HIVEP3: variants seen among roughly 807,000 people sequenced by gnomAD.
The protein encoded by HIVEP3 is HIVEP zinc finger 3, also known as transcription factor HIVEP3.
A neutral mutation model predicts 152.8 loss-of-function variants in HIVEP3; 49 were observed. The ratio of observed to expected loss-of-function variants is 0.32; its 90% confidence interval spans 0.26 to 0.41. HIVEP3 has a LOEUF of 0.41. HIVEP3 is among the 10% of genes least tolerant of loss of function. The pLI, the probability that HIVEP3 is intolerant of heterozygous loss-of-function variation, is 1.00. For missense variants in HIVEP3, 2,790 were observed against 3,103.3 expected, an observed-to-expected ratio of 0.90 and a Z score of 2.40; for synonymous variants, 1,269 against 1,289.0, an observed-to-expected ratio of 0.98 and a Z score of 0.33.
At chr1:41,857,548 G>A (rs1283345318) in intron 1 of HIVEP3, among the ~76,000 whole-genome samples, 2 of 152,056 alleles carry the variant, frequency 1.3e-5, no homozygotes, top group Middle Eastern at 3.2e-3. Context: ...AAGGATGTAC[G>A]TTTAGGCCCT....
chr1:41,531,688 A>G (rs111162024), intron 5 of HIVEP3, among the ~76,000 whole-genome samples: 1 of 84,488 alleles, frequency 1.2e-5, no homozygotes, highest in Non-Finnish European at 2.3e-5. Context: ...CATGAGAGAT[A>G]GAGGACAGGG....
chr1:41,959,345 G>T (rs1645157008), intron 1 of HIVEP3, among the ~76,000 whole-genome samples: 1 of 152,124 alleles, frequency 6.6e-6, no homozygotes, highest in East Asian at 1.9e-4. Flanking sequence ...TTGCCTGCAG[G>T]TCTCAGCCAC....
chr1:41,669,695 T>G (rs1645845921), intron 2 of HIVEP3, among the ~76,000 whole-genome samples: 1 of 152,182 alleles, frequency 6.6e-6, no homozygotes, highest in African/African-American at 2.4e-5. Context: ...AGAATGGAAC[T>G]TATACCATTG....
chr1:41,716,917 G>T (rs6600387), intron 1 of HIVEP3, among the ~76,000 whole-genome samples: 28,039 of 152,232 alleles, frequency 0.18, 7,541 homozygotes, highest in African/African-American at 0.59. Context: ...GGCTGTCTGA[G>T]TGCCAGCAAC....
At chr1:41,889,224 A>C (rs1418606724) in intron 1 of HIVEP3, among the ~76,000 whole-genome samples, 1 of 151,864 alleles carries the variant, frequency 6.6e-6, no homozygotes, top group African/African-American at 2.4e-5. Flanking sequence ...CACACACCCC[A>C]CACCTCACAC....
Position 41,636,356 on chromosome 1 carries a change from T to C in HIVEP3, c.-720-7409A>G, listed in dbSNP as rs536253876. Among the ~76,000 whole-genome samples, 103 of 152,352 alleles carry C rather than the reference T, an allele frequency of 6.8e-4. 1 individual carries two copies. The highest frequency in any genetic ancestry group is 2.5e-4 in the Non-Finnish European group (17 of 68,032). ...TAAACATCCTATAAAAGCAAGTTCA[T>C]GAAAATACCAGAACTATTAAAATAT... On this transcript the variant is annotated intron_variant, in intron 2 of 8. Coordinates refer to ENST00000372583, the MANE Select transcript of HIVEP3 (RefSeq NM_024503.5).
chr1:41,843,585 G>GAA (rs113967177), intron 1 of HIVEP3, among the ~76,000 whole-genome samples: 1 of 129,798 alleles, frequency 7.7e-6, no homozygotes. Flanking sequence ...GGTAGTTTAA[G>GAA]AAAAAAAAAA....
intron 1 of HIVEP3, among the ~76,000 whole-genome samples, chr1:41,701,810 T>C (rs1198206790): frequency 1.3e-5 from 2 of 152,214 alleles, no homozygotes; most frequent in Non-Finnish European, 2.9e-5. Context: ...ATTTGAGACA[T>C]ATTATTTATG....
At chr1:41,770,075 T>C (rs975067163) in intron 1 of HIVEP3, among the ~76,000 whole-genome samples, 1 of 152,078 alleles carries the variant, frequency 6.6e-6, no homozygotes, top group African/African-American at 2.4e-5. Flanking sequence ...TTCACACCAT[T>C]CTCCTGCCTC....
chr1:41,608,963 A>G (rs1488173368), intron 3 of HIVEP3, among the ~76,000 whole-genome samples: 1 of 151,384 alleles, frequency 6.6e-6, no homozygotes, highest in Non-Finnish European at 1.5e-5. Flanking sequence ...GCATGCCTGT[A>G]ATCCCAGTTA....
chr1:41,810,508 A>G (rs1650891250), intron 1 of HIVEP3, among the ~76,000 whole-genome samples: 1 of 152,146 alleles, frequency 6.6e-6, no homozygotes, highest in Non-Finnish European at 1.5e-5. Context: ...TGGGACCTCC[A>G]TCTAAGAGGA....
chr1:41,512,844 C>T lies in HIVEP3; in HGVS notation c.6377G>A (p.Arg2126Lys), dbSNP rs778126953. The T allele has an allele frequency of 2.6e-6, 4 of 1,531,346 alleles. No homozygotes were observed. The South Asian group carries it at 4.9e-5, about 19-fold the overall frequency. The allele number at this position is 1,531,346 out of a possible 1,614,324, so 94.9% of individuals were successfully genotyped here. Residue 2126 changes from arginine to lysine, a missense_variant, in exon 8 of 9, where the codon AGA (arginine) becomes AAA (lysine). By Grantham distance (26) the Arg-to-Lys change is conservative. This residue lies in a region of HIVEP3 where 816 missense variants were observed against 806.5 expected (regional missense o/e 1.01). Coordinates refer to ENST00000372583, the MANE Select transcript of HIVEP3 (RefSeq NM_024503.5). ...PAPLPHKLLS[R>K]SPETCASPWQ... is the part of the protein sequence containing the mutation. ...CGGGGAGGCGCAGGTCTCTGGGCTT[C>T]TGCTGAGGAGCTTGTGAGGTAGAGG...
intron 1 of HIVEP3, among the ~76,000 whole-genome samples, chr1:41,927,346 G>C (rs1037257452): frequency 6.6e-6 from 1 of 152,112 alleles, no homozygotes; most frequent in African/African-American, 2.4e-5. Context: ...GTGTTTTGGG[G>C]GTGGGGTGGA....
At chr1:41,547,551 C>T (rs12738987) in intron 5 of HIVEP3, among the ~76,000 whole-genome samples, 5,580 of 152,066 alleles carry the variant, frequency 0.037, 154 homozygotes, top group Middle Eastern at 0.1. Flanking sequence ...GCTGGTAGAG[C>T]GAGGAGCCCG....
chr1:41,917,210 C>G (rs992368804), intron 1 of HIVEP3, among the ~76,000 whole-genome samples: 1 of 152,190 alleles, frequency 6.6e-6, no homozygotes, highest in African/African-American at 2.4e-5. Flanking sequence ...GGGCACACGT[C>G]TGATCATTAC....
At position 41,860,120 on chromosome 1, in the gene HIVEP3, G is replaced by T. The variant is rs185132618; in HGVS notation, c.-801+58293C>A. On this transcript the variant is annotated intron_variant, in intron 1 of 8. Transcript: ENST00000372583. Reference sequence around the variant, plus strand: ...ACTGGATTCTGAAGACCTCCACCAGGATTTCCCAAGGTGGATTTGATGCCT... The same window carrying T: ...ACTGGATTCTGAAGACCTCCACCAGTATTTCCCAAGGTGGATTTGATGCCT... Among the ~76,000 whole-genome samples, 43 of 152,310 alleles carry T rather than the reference G, an allele frequency of 2.8e-4. No individual in the cohort carries two copies. The East Asian group carries it at 7.5e-3, about 27-fold the overall frequency.
rs1645466882 is a variant in HIVEP3 at position 42,007,545 on chromosome 1, C to T, written n.119+28262G>A. On this transcript the variant is annotated intron_variant and non_coding_transcript_variant, in intron 1 of 3. Transcript: ENST00000489103. ...CTTTTTGCCATCTCTGAAACTTCAC[C>T]CTCACTTAGGGGCAAGTCTTCTGAC... 2.0e-5 allele frequency among the ~76,000 whole-genome samples: 3 copies of T among 152,140 alleles called. No homozygotes were observed. In the South Asian group the frequency reaches 6.2e-4, roughly 31 times the overall value.
intron 3 of HIVEP3, among the ~76,000 whole-genome samples, chr1:41,586,009 T>C (rs1046953587): frequency 2.0e-5 from 3 of 152,220 alleles, no homozygotes; most frequent in African/African-American, 7.2e-5. Context: ...TGCAAACTAC[T>C]GCCACAGCCT....
At chr1:41,720,066 C>T (rs1038129623) in intron 1 of HIVEP3, among the ~76,000 whole-genome samples, 3 of 152,214 alleles carry the variant, frequency 2.0e-5, no homozygotes, top group Non-Finnish European at 4.4e-5. Context: ...TCCAGAGGCC[C>T]AGTTCTGGTT....
Sources: gnomAD v4.1 joint callset for allele counts (sites outside exome capture counted in the v4.1 genomes callset) on GRCh38, gnomAD v4.1.1 for gene constraint, gnomAD v4.1.1 regional missense constraint, MANE v1.5 for transcripts, NCBI Gene and HGNC (gene_info 2026-07-23, HGNC 2026-07-21) for gene names.